ELN: variants seen among roughly 807,000 people sequenced by gnomAD.
The protein encoded by ELN is elastin.
A neutral mutation model predicts 105.8 loss-of-function variants in ELN; 65 were observed. The observed-to-expected ratio is 0.61, with a 90% CI of 0.50 to 0.75. The LOEUF (loss-of-function observed/expected upper bound fraction) is 0.75. ELN is among the 30% of genes least tolerant of loss of function. The probability of loss-of-function intolerance (pLI) is 0.00; values close to 1 mark genes in which losing one functional copy is unlikely to be tolerated. For synonymous variants in ELN, 368 were observed against 389.2 expected, an observed-to-expected ratio of 0.95 and a Z score of 0.64; for missense variants, 882 against 969.4, an observed-to-expected ratio of 0.91 and a Z score of 1.20.
At chr7:74,065,786 C>T in intron 30 of ELN, 54 bp downstream of exon 30, 3 of 1,612,786 alleles carry the variant, frequency 1.9e-6, no homozygotes, top group Non-Finnish European at 2.5e-6. Flanking sequence ...CTGCCATGCC[C>T]ATCGCCACCC....
chr7:74,060,102 G>A lies in ELN; in HGVS notation c.1577-38G>A, dbSNP rs782112245. 6.2e-6 allele frequency: 10 copies of A among 1,613,970 alleles called. No homozygotes were observed. The Admixed American group carries it at 8.3e-5, about 13-fold the overall frequency. ...GGCCCCCGAAGCCTCCATGGGCCCC[G>A]CCTCCATCTCTAATCCCCCTCTCTC... On this transcript the variant is annotated intron_variant, in intron 23 of 32. Coordinates refer to ENST00000252034, the MANE Select transcript of ELN (RefSeq NM_000501.4).
chr7:74,043,741 A>G, intron 8 of ELN, 138 bp from the exon 9 acceptor site: 1 of 1,104,274 alleles, frequency 9.1e-7, no homozygotes, highest in Non-Finnish European at 1.3e-6. Context: ...TGGCCACCCC[A>G]CGTCTGTCCC....
At chr7:74,066,803 C>T in intron 32 of ELN, 27 bp downstream of exon 32, 2 of 1,611,800 alleles carry the variant, frequency 1.2e-6, no homozygotes, top group Non-Finnish European at 1.7e-6. Context: ...GCCCCTGGGC[C>T]CTGCCCTGGA....
At chr7:74,057,534 C>G in intron 21 of ELN, 106 bp from the exon 22 acceptor site, 3 of 1,604,824 alleles carry the variant, frequency 1.9e-6, no homozygotes, top group Non-Finnish European at 2.6e-6. Flanking sequence ...TGGAGTTGAC[C>G]AAGGTCGACT....
rs782069403 is a variant in ELN, at chr7:74,043,011, T to C, written c.353T>C (p.Val118Ala). Reference sequence around the variant, plus strand: ...GCTGGGCTTGGTGGTGTCCCAGGAGTTGGTGGCTTAGGAGTGTCTGCAGGT... The same window carrying C: ...GCTGGGCTTGGTGGTGTCCCAGGAGCTGGTGGCTTAGGAGTGTCTGCAGGT... ...AGAGLGGVPGVGGLGVSAGAV... is the reference protein window; with the variant it reads ...AGAGLGGVPGAGGLGVSAGAV... Residue 118 changes from valine (V) to alanine (A), a missense_variant, in exon 7 of 33, where the codon GTT (valine) becomes GCT (alanine). Val to Ala is a moderately conservative substitution (Grantham distance 64). Transcript: ENST00000252034. The C allele has an allele frequency of 6.2e-7, 1 of 1,613,694 alleles. No homozygotes were observed. The highest frequency in any genetic ancestry group is 8.5e-7 in the Non-Finnish European group (1 of 1,179,918).
At position 74,069,069 on chromosome 7, in the gene ELN, C is replaced by G. The variant is rs1239181180; in HGVS notation, c.*369C>G. 1 of 411,464 alleles carries G rather than the reference C, an allele frequency of 2.4e-6. No homozygotes were observed. The highest frequency in any genetic ancestry group is 3.6e-5 in the Admixed American group (1 of 27,474). The allele number at this position is 411,464 out of a possible 1,614,324, so 25.5% of individuals were successfully genotyped here. A position where few individuals can be genotyped will look rare whatever the true frequency, so the allele number is the denominator to read the frequency against. On this transcript the variant is annotated 3_prime_UTR_variant, in exon 33 of 33. Coordinates refer to ENST00000252034, the MANE Select transcript of ELN (RefSeq NM_000501.4). Reference sequence around the variant, plus strand: ...GAAGGGTGGCCCCTCGGGGAACCCCCTACCTGGGGCTCCTCTAAAGATGGT... The same window carrying G: ...GAAGGGTGGCCCCTCGGGGAACCCCGTACCTGGGGCTCCTCTAAAGATGGT...
chr7:74,044,490 G>A (rs540620360), intron 9 of ELN, among the ~76,000 whole-genome samples: 1 of 152,312 alleles, frequency 6.6e-6, no homozygotes, highest in Non-Finnish European at 1.5e-5. Flanking sequence ...ACAGCCCGAG[G>A]CGGGCCCCCG....
At chr7:74,043,619 G>A (rs1317305510) in intron 8 of ELN, 2 of 637,804 alleles carry the variant, frequency 3.1e-6, no homozygotes, top group East Asian at 5.6e-5. Context: ...TCTGGAAGCT[G>A]TTAGCCAGAG....
chr7:74,053,065 C>T, intron 17 of ELN, 98 bp from the exon 18 acceptor site: 1 of 1,571,262 alleles, frequency 6.4e-7, no homozygotes, highest in Non-Finnish European at 8.7e-7. Flanking sequence ...TGCAATCCTG[C>T]ATTCAGGACC....
At chr7:74,034,078 T>C (rs1554664028) in intron 1 of ELN, among the ~76,000 whole-genome samples, 1 of 152,204 alleles carries the variant, frequency 6.6e-6, no homozygotes, top group African/African-American at 2.4e-5. Context: ...AACTATTCAC[T>C]GTGCTCATTC....
chr7:74,059,750 C>T, intron 22 of ELN, 136 bp from the exon 23 acceptor site: 1 of 766,930 alleles, frequency 1.3e-6, no homozygotes. Flanking sequence ...GAAGCTGAGG[C>T]CCAGCAAGGG....
intron 1 of ELN, among the ~76,000 whole-genome samples, chr7:74,029,940 GGT>G (rs1788297670): frequency 6.6e-6 from 1 of 152,228 alleles, no homozygotes; most frequent in Non-Finnish European, 1.5e-5. Flanking sequence ...GGGGCAAGGG[GGT>G]TAGGAGTGAG....
rs532388766 is a variant in ELN, at chr7:74,041,241, C to T, written c.222C>T (p.Gly74=). The stretch of plus-strand genomic sequence containing the variant: ...TTCCCGGAGGGCTTGCGGGTGCTGG[C>T]CTTGGGGCAGGTGAGTGCTGACACC... The part of the protein sequence containing the change: ...KPVPGGLAGA[G]LGAGLGAFPA... The change falls in exon 5 of 33, where the codon GGC becomes GGT. Residue 74 remains glycine, a synonymous_variant. Coordinates refer to ENST00000252034, the MANE Select transcript of ELN (RefSeq NM_000501.4). 4.3e-6 allele frequency: 7 copies of T among 1,613,990 alleles called. No homozygotes were observed. The highest frequency in any genetic ancestry group is 5.1e-6 in the Non-Finnish European group (6 of 1,179,884).
chr7:74,048,430 G>A, intron 14 of ELN, 73 bp from the exon 15 acceptor site: 3 of 1,610,226 alleles, frequency 1.9e-6, no homozygotes, highest in South Asian at 2.2e-5. Context: ...CTCTCTTGGG[G>A]CTGGGAACAA....
chr7:74,039,661 C>A (rs1790736500), intron 4 of ELN, among the ~76,000 whole-genome samples: 1 of 152,236 alleles, frequency 6.6e-6, no homozygotes, highest in South Asian at 2.1e-4. Flanking sequence ...TGAGCACTAG[C>A]CAGAGGCCAG....
At chr7:74,046,164 A>G in intron 10 of ELN, 24 bp from the exon 11 acceptor site, 1 of 1,614,226 alleles carries the variant, frequency 6.2e-7, no homozygotes, top group Non-Finnish European at 8.5e-7. Context: ...CCAGGGCTGT[A>G]GTGACAGCTT....
Position 74,051,946 on chromosome 7 carries a change from TGCAGCTGCAGCAGCA to T in ELN, c.915_929del (p.Ala307_Ala311del). On this transcript the variant is annotated inframe_deletion, in exon 17 of 33. Coordinates refer to ENST00000252034, the MANE Select transcript of ELN (RefSeq NM_000501.4). Reference sequence around the variant, plus strand: ...CAGGCGTTGGGACTCCAGCTGCAGCTGCAGCTGCAGCAGCAGCCGCTAAGGCAGCCAAGTATGGTG... The same window carrying T: ...CAGGCGTTGGGACTCCAGCTGCAGCTGCCGCTAAGGCAGCCAAGTATGGTG... 6.2e-7 allele frequency: 1 copy of T among 1,612,854 alleles called. No homozygotes were observed. Among genetic ancestry groups the T allele is most frequent in the Admixed American group, 1.7e-5 (1 of 60,018 alleles).
Position 74,063,461 on chromosome 7 carries a change from T to A in ELN, c.1918+92T>A. The A allele has an allele frequency of 6.3e-7, 1 of 1,579,606 alleles. No homozygotes were observed. The highest frequency in any genetic ancestry group is 1.4e-5 in the African/African-American group (1 of 73,880). On this transcript the variant is annotated intron_variant, in intron 28 of 32. Transcript: ENST00000252034. The surrounding 1 kb of genome is among the most constrained non-coding windows in gnomAD (Gnocchi z 4.1). ...CTGACCAGGCACTGTAGACTCAGAG[T>A]CCCTGCCCCAGACACCTCCTGGCTC... is the stretch of plus-strand genomic sequence containing the variant.
chr7:74,037,511 G>A lies in ELN; in HGVS notation c.164-196G>A, dbSNP rs546181941. 7.9e-5 allele frequency among the ~76,000 whole-genome samples: 12 copies of A among 152,284 alleles called. No individual in the cohort carries two copies. The East Asian group carries it at 1.9e-3, about 24-fold the overall frequency. On this transcript the variant is annotated intron_variant, in intron 3 of 32. Coordinates refer to ENST00000252034, the MANE Select transcript of ELN (RefSeq NM_000501.4). ...CCCCAGCCCATCATCCCCTTTTGAG[G>A]CTGAGACTCTGGGACTCAGAGAGTA...
Sources: gnomAD v4.1 joint callset for allele counts (sites outside exome capture counted in the v4.1 genomes callset) on GRCh38, gnomAD v4.1.1 for gene constraint, Gnocchi (gnomAD v3.1) non-coding constraint, MANE v1.5 for transcripts, NCBI Gene and HGNC (gene_info 2026-07-23, HGNC 2026-07-21) for gene names.